Variants in PLCG2 observed in about 807,000 individuals in gnomAD.
PLCG2 encodes the protein phospholipase C gamma 2, also known as 1-phosphatidylinositol 4,5-bisphosphate phosphodiesterase gamma-2.
Under a neutral mutation model 175.6 loss-of-function variants are expected in PLCG2, and 69 were observed. That is an observed-to-expected ratio of 0.39 (90% CI 0.32 to 0.48). The LOEUF (loss-of-function observed/expected upper bound fraction) is 0.48. Ranked by LOEUF, PLCG2 falls within the 20% of genes least tolerant of loss-of-function variation. PLCG2 has a pLI of 0.91. For synonymous variants in PLCG2, 827 were observed against 624.0 expected (o/e 1.33, Z -4.85); for missense variants, 1,798 against 1,650.9 (o/e 1.09, Z -1.54).
chr16:81,886,597 G>C (rs926065767), intron 9 of PLCG2, among the ~76,000 whole-genome samples: 1 of 152,230 alleles, frequency 6.6e-6, no homozygotes, highest in Admixed American at 6.5e-5. Context: ...GTACGCCATA[G>C]TACAGCTCTG....
chr16:81,824,343 AG>A (rs1904950480), intron 2 of PLCG2, among the ~76,000 whole-genome samples: 2 of 152,288 alleles, frequency 1.3e-5, no homozygotes, highest in South Asian at 4.1e-4. Flanking sequence ...CACGTTGGCC[AG>A]GCTGGTCTTG....
At chr16:81,827,447 C>G (rs1252285744) in intron 2 of PLCG2, among the ~76,000 whole-genome samples, 1 of 152,004 alleles carries the variant, frequency 6.6e-6, no homozygotes, top group Non-Finnish European at 1.5e-5. Context: ...TCTTGGCTTC[C>G]CAAAGGGCTG....
intron 4 of PLCG2, among the ~76,000 whole-genome samples, chr16:81,858,586 G>A (rs1906805616): frequency 6.6e-6 from 1 of 152,182 alleles, no homozygotes; most frequent in Admixed American, 6.5e-5. Context: ...GGAGTGAGTG[G>A]TGCATTGGAC....
At chr16:81,833,169 G>A (rs1905339978) in intron 2 of PLCG2, among the ~76,000 whole-genome samples, 1 of 152,312 alleles carries the variant, frequency 6.6e-6, no homozygotes, top group African/African-American at 2.4e-5. Flanking sequence ...AGAGCCCACA[G>A]CATGAGGATA....
chr16:81,916,749 T>C (rs1468539876), intron 19 of PLCG2, among the ~76,000 whole-genome samples: 1 of 152,156 alleles, frequency 6.6e-6, no homozygotes, highest in Non-Finnish European at 1.5e-5. Flanking sequence ...GGGAGTCTCC[T>C]GCCTCAGGCT....
At chr16:81,931,899 C>T (rs1180323682) in intron 25 of PLCG2, among the ~76,000 whole-genome samples, 1 of 152,328 alleles carries the variant, frequency 6.6e-6, no homozygotes, top group African/African-American at 2.4e-5. Flanking sequence ...GGCTGAGTGC[C>T]TGCAGCAATG....
chr16:81,856,215 A>T (rs1018587949), intron 3 of PLCG2, among the ~76,000 whole-genome samples: 1 of 152,212 alleles, frequency 6.6e-6, no homozygotes, highest in Non-Finnish European at 1.5e-5. Context: ...AGATGAGAGC[A>T]GCAGTCTCTG....
chr16:81,886,036 C>A (rs1908345010), intron 9 of PLCG2, among the ~76,000 whole-genome samples: 3 of 152,168 alleles, frequency 2.0e-5, no homozygotes, highest in African/African-American at 7.2e-5. Flanking sequence ...AATTCATGCA[C>A]TTTTTTCCCT....
chr16:81,934,084 C>G (rs1040842604), intron 25 of PLCG2, among the ~76,000 whole-genome samples: 1 of 152,126 alleles, frequency 6.6e-6, no homozygotes, highest in African/African-American at 2.4e-5. Context: ...TTGAGACACT[C>G]TAACAGTGTG....
chr16:81,840,732 C>G (rs142706260), intron 2 of PLCG2, among the ~76,000 whole-genome samples: 2 of 152,302 alleles, frequency 1.3e-5, no homozygotes, highest in East Asian at 1.9e-4. Flanking sequence ...CTGTGCGGCT[C>G]GATTCCTAAC....
intron 22 of PLCG2, among the ~76,000 whole-genome samples, chr16:81,925,872 T>G (rs1597136380): frequency 3.8e-5 from 5 of 131,824 alleles, no homozygotes; most frequent in East Asian, 2.2e-4. Context: ...GGGGACAGAG[T>G]GAGACTCTGT....
At chr16:81,906,596 GTAGCCTTAGTAGAGATAGTGTTTCGC>G (rs1909379301) in intron 15 of PLCG2, among the ~76,000 whole-genome samples, 1 of 152,086 alleles carries the variant, frequency 6.6e-6, no homozygotes, top group Non-Finnish European at 1.5e-5. Flanking sequence ...GCTAATTTTT[GTAGCCTTAGTAGAGATAGTGTTTCGC>G]CATGTTGGCC....
At chr16:81,867,352 G>A (rs1907292679) in intron 5 of PLCG2, among the ~76,000 whole-genome samples, 1 of 152,126 alleles carries the variant, frequency 6.6e-6, no homozygotes, top group Admixed American at 6.5e-5. Context: ...TCATATTCTT[G>A]ACCCACCCAC....
Position 81,961,022 on chromosome 16 carries a change from A to G in PLCG2, c.*3024A>G, listed in dbSNP as rs1285725171. On this transcript the variant is annotated 3_prime_UTR_variant, in exon 33 of 33. Transcript: ENST00000564138. Reference sequence around the variant, plus strand: ...AGGTGTAAAAATTCAAAATGTGGATATTTGGAAAGTGAAAGACTTATCAAC... The same window carrying G: ...AGGTGTAAAAATTCAAAATGTGGATGTTTGGAAAGTGAAAGACTTATCAAC... 4.3e-6 allele frequency: 1 copy of G among 230,938 alleles called. No homozygotes were observed. The highest frequency in any genetic ancestry group is 2.2e-5 in the African/African-American group (1 of 45,240). 14.3% of individuals were successfully genotyped at this position (230,938 alleles called of 1,614,324 possible).
intron 9 of PLCG2, 145 bp downstream of exon 9, chr16:81,883,486 C>T (rs1253022906): frequency 6.2e-6 from 4 of 643,772 alleles, no homozygotes; most frequent in Admixed American, 2.4e-5. Context: ...CTTCATGGAA[C>T]GATTGCAGTC....
At chr16:81,763,474 G>A (rs1910081647) in intron 2 of PLCG2, among the ~76,000 whole-genome samples, 1 of 152,212 alleles carries the variant, frequency 6.6e-6, no homozygotes, top group Non-Finnish European at 1.5e-5. Flanking sequence ...TCCCTCTCAC[G>A]GCCTGTGCCT....
intron 1 of PLCG2, among the ~76,000 whole-genome samples, chr16:81,747,434 C>G (rs951765353): frequency 1.3e-5 from 2 of 152,160 alleles, no homozygotes; most frequent in Non-Finnish European, 2.9e-5. Context: ...ACACGGGACA[C>G]TGAGGCACAA....
At chr16:81,892,924 A>G (rs1043786491) in intron 11 of PLCG2, among the ~76,000 whole-genome samples, 8 of 150,534 alleles carry the variant, frequency 5.3e-5, no homozygotes, top group African/African-American at 2.0e-4. Flanking sequence ...CTCAGCTCAC[A>G]ACCTCCGCTT....
At position 81,882,228 on chromosome 16, in the gene PLCG2, T is replaced by G. The variant is rs569468840; in HGVS notation, c.693-1041T>G. Reference sequence around the variant, plus strand: ...CATCCAACCCGGGGGTGGCTCGTGCTGGCCCAGTGAGGCCCTGTTTTTCTG... The same window carrying G: ...CATCCAACCCGGGGGTGGCTCGTGCGGGCCCAGTGAGGCCCTGTTTTTCTG... On this transcript the variant is annotated intron_variant, in intron 8 of 32. Transcript: ENST00000564138. Among the ~76,000 whole-genome samples, 68 of 152,340 alleles carry G rather than the reference T, an allele frequency of 4.5e-4. No homozygotes were observed. The Middle Eastern group carries it at 0.02, about 46-fold the overall frequency.
Sources: allele counts gnomAD v4.1 joint callset (sites outside exome capture counted in the v4.1 genomes callset), GRCh38; gene constraint gnomAD v4.1.1; transcripts MANE v1.5; gene names NCBI Gene and HGNC (gene_info 2026-07-23, HGNC 2026-07-21).